Variants in ATP8A2 observed in about 807,000 individuals in gnomAD.
The protein encoded by ATP8A2 is phospholipid-transporting ATPase IB.
A neutral mutation model predicts 165.6 loss-of-function variants in ATP8A2; 100 were observed. The observed-to-expected ratio is 0.60, with a 90% confidence interval of 0.51 to 0.71. The LOEUF (loss-of-function observed/expected upper bound fraction) is 0.71. Ranked by LOEUF, ATP8A2 falls within the 30% of genes least tolerant of loss-of-function variation. The pLI, the probability that ATP8A2 is intolerant of heterozygous loss-of-function variation, is 0.00. For missense variants in ATP8A2, 1,227 were observed against 1,479.5 expected (o/e 0.83, Z 2.80); for synonymous variants, 543 against 548.8 (o/e 0.99, Z 0.15).
intron 25 of ATP8A2, among the ~76,000 whole-genome samples, chr13:25,708,357 T>C (rs191190866): frequency 6.6e-6 from 1 of 152,360 alleles, no homozygotes; most frequent in East Asian, 1.9e-4. Flanking sequence ...GTTTCATTAA[T>C]ACAAGAATGT....
At chr13:25,710,382 T>C (rs1323167274) in intron 25 of ATP8A2, among the ~76,000 whole-genome samples, 1 of 152,222 alleles carries the variant, frequency 6.6e-6, no homozygotes, top group Non-Finnish European at 1.5e-5. Context: ...TATCTTACTG[T>C]ATGTTTGTAC....
intron 19 of ATP8A2, among the ~76,000 whole-genome samples, chr13:25,575,336 G>A (rs571331326): frequency 2.6e-5 from 4 of 152,260 alleles, no homozygotes; most frequent in Non-Finnish European, 4.4e-5. Context: ...GGACTTATTC[G>A]GAAGCATTCT....
chr13:25,927,940 C>A (rs1302519852), intron 33 of ATP8A2, among the ~76,000 whole-genome samples: 1 of 152,250 alleles, frequency 6.6e-6, no homozygotes, highest in Non-Finnish European at 1.5e-5. Context: ...AAGCAGAACA[C>A]CCACATTTGG....
chr13:25,785,394 A>G (rs930866961), intron 27 of ATP8A2, among the ~76,000 whole-genome samples: 2 of 152,248 alleles, frequency 1.3e-5, no homozygotes, highest in East Asian at 3.9e-4. Flanking sequence ...AATAATTTTG[A>G]TTGAATTCTT....
At chr13:25,957,513 G>A (rs933533225) in intron 33 of ATP8A2, among the ~76,000 whole-genome samples, 10 of 152,138 alleles carry the variant, frequency 6.6e-5, no homozygotes, top group African/African-American at 2.4e-4. Context: ...ATGAAACAAA[G>A]TTTCTCATCA....
At chr13:25,842,723 A>AAGGG (rs1310632766) in intron 30 of ATP8A2, among the ~76,000 whole-genome samples, 2 of 149,158 alleles carry the variant, frequency 1.3e-5, no homozygotes, top group Non-Finnish European at 3.0e-5. Flanking sequence ...GGAAGGAAGG[A>AAGGG]AGGGAGGGAA....
intron 28 of ATP8A2, among the ~76,000 whole-genome samples, chr13:25,830,452 C>G (rs944852816): frequency 1.3e-5 from 2 of 152,126 alleles, no homozygotes; most frequent in Non-Finnish European, 2.9e-5. Context: ...GTCCACAGTG[C>G]AGGCATTGAA....
chr13:25,981,936 T>C (rs1956176352), intron 35 of ATP8A2, among the ~76,000 whole-genome samples: 1 of 152,232 alleles, frequency 6.6e-6, no homozygotes, highest in South Asian at 2.1e-4. Flanking sequence ...TTAAGAGTTG[T>C]ACATGTGCTC....
intron 24 of ATP8A2, among the ~76,000 whole-genome samples, chr13:25,634,941 T>A (rs994209609): frequency 2.8e-5 from 4 of 141,748 alleles, no homozygotes; most frequent in African/African-American, 1.1e-4. Flanking sequence ...TAGCAAGCAC[T>A]TTTTTTTGGA....
intron 2 of ATP8A2, among the ~76,000 whole-genome samples, chr13:25,512,921 C>CA (rs2037302149): frequency 6.9e-6 from 1 of 145,924 alleles, no homozygotes; most frequent in African/African-American, 2.5e-5. Flanking sequence ...CTGACCCCCC[C>CA]ACCTCCCTCC....
chr13:25,789,850 C>T (rs2045122448), intron 27 of ATP8A2, among the ~76,000 whole-genome samples: 1 of 152,098 alleles, frequency 6.6e-6, no homozygotes, highest in Non-Finnish European at 1.5e-5. Context: ...CTACAGTAAC[C>T]CAAACAGCAT....
At chr13:25,717,419 A>AAAAAAG (rs1235687285) in intron 25 of ATP8A2, among the ~76,000 whole-genome samples, 1 of 74,718 alleles carries the variant, frequency 1.3e-5, no homozygotes, top group Admixed American at 1.2e-4. Flanking sequence ...TGAAAAAACT[A>AAAAAAG]AAAAAAAAAA....
At chr13:25,963,752 G>A (rs1308111023) in intron 34 of ATP8A2, among the ~76,000 whole-genome samples, 1 of 152,198 alleles carries the variant, frequency 6.6e-6, no homozygotes, top group East Asian at 1.9e-4. Context: ...ATTACAAAGT[G>A]TCTGTGCTTC....
At chr13:25,519,176 C>A (rs753380143) in intron 2 of ATP8A2, among the ~76,000 whole-genome samples, 1 of 152,206 alleles carries the variant, frequency 6.6e-6, no homozygotes, top group East Asian at 1.9e-4. Context: ...TTCCCCTGTG[C>A]GTCCATGAGA....
At chr13:25,724,975 C>T (rs529344631) in intron 25 of ATP8A2, among the ~76,000 whole-genome samples, 1 of 152,140 alleles carries the variant, frequency 6.6e-6, no homozygotes, top group Non-Finnish European at 1.5e-5. Context: ...TGTGTCAGAC[C>T]TTCTGCTAGG....
rs150322325 is a variant in ATP8A2, at chr13:25,878,510, A to G, written c.3183+16102A>G. On this transcript the variant is annotated intron_variant, in intron 33 of 36. Coordinates refer to ENST00000381655, the MANE Select transcript of ATP8A2 (RefSeq NM_016529.6). ...GGTGGGAGTGTAGCAGTGAGAATGA[A>G]CAGAGGTCGTACCTGTCACCATCTT... 1.4e-3 allele frequency among the ~76,000 whole-genome samples: 145 copies of G among 104,384 alleles called. 2 individuals carry two copies. Among genetic ancestry groups the G allele is most frequent in the Admixed American group, 3.5e-3 (32 of 9,170 alleles). The allele number at this position is 104,384 out of a possible 152,430, so 68.5% of individuals were successfully genotyped here.
At chr13:25,866,474 A>G (rs1041011016) in intron 33 of ATP8A2, among the ~76,000 whole-genome samples, 5 of 152,224 alleles carry the variant, frequency 3.3e-5, no homozygotes, top group Non-Finnish European at 5.9e-5. Flanking sequence ...TTTTAGCCAA[A>G]GAATTTGAAC....
intron 35 of ATP8A2, among the ~76,000 whole-genome samples, chr13:25,972,047 G>A (rs1479756401): frequency 6.6e-6 from 1 of 152,092 alleles, no homozygotes; most frequent in Non-Finnish European, 1.5e-5. Flanking sequence ...AAATATTCTA[G>A]CAGTTTTTCT....
chr13:25,678,064 A>C (rs778423652), intron 24 of ATP8A2, among the ~76,000 whole-genome samples: 3 of 152,206 alleles, frequency 2.0e-5, no homozygotes, highest in Non-Finnish European at 4.4e-5. Context: ...GACTCATGAT[A>C]GCTCAGACGA....
Sources: allele counts gnomAD v4.1 joint callset (sites outside exome capture counted in the v4.1 genomes callset), GRCh38; gene constraint gnomAD v4.1.1; transcripts MANE v1.5; gene names NCBI Gene and HGNC (gene_info 2026-07-23, HGNC 2026-07-21).